Variants in MID1 observed in about 807,000 individuals in gnomAD.
MID1 encodes the protein E3 ubiquitin-protein ligase Midline-1.
A neutral mutation model predicts 40.4 loss-of-function variants in MID1; 7 were observed. That is an observed-to-expected ratio of 0.17 (90% CI 0.10 to 0.33). The LOEUF (loss-of-function observed/expected upper bound fraction) is 0.33, where lower values mean the gene tolerates loss of function less well. Ranked by LOEUF, MID1 falls within the 10% of genes least tolerant of loss-of-function variation. The probability of loss-of-function intolerance (pLI) is 1.00; values close to 1 mark genes in which losing one functional copy is unlikely to be tolerated. For synonymous variants in MID1, 229 were observed against 221.2 expected (o/e 1.04, Z -0.31); for missense variants, 367 against 558.5 (o/e 0.66, Z 3.46).
chrX:10,524,823 T>C (rs1932800157), intron 2 of MID1, among the ~76,000 whole-genome samples: 1 of 111,978 alleles, frequency 8.9e-6, no homozygotes, highest in Admixed American at 9.5e-5. Flanking sequence ...GGGTTTTTTG[T>C]TGCACAACAG....
intron 3 of MID1, among the ~76,000 whole-genome samples, chrX:10,496,109 T>C (rs1931238179): frequency 8.9e-6 from 1 of 112,523 alleles, no homozygotes; most frequent in Non-Finnish European, 1.9e-5. Flanking sequence ...GGAGGACAGA[T>C]TACTATCAAT....
At chrX:10,643,190 T>C (rs1303614344) in intron 1 of MID1, among the ~76,000 whole-genome samples, 1 of 111,144 alleles carries the variant, frequency 9.0e-6, no homozygotes, top group East Asian at 2.8e-4. Flanking sequence ...AAAGAGCTTC[T>C]GCACAGCAAA....
At chrX:10,687,277 G>A (rs183445044) in intron 1 of MID1, among the ~76,000 whole-genome samples, 9 of 111,762 alleles carry the variant, frequency 8.1e-5, no homozygotes, top group Admixed American at 7.6e-4. Context: ...CCAAGGATGA[G>A]TCTTTTGTCT....
intron 1 of MID1, among the ~76,000 whole-genome samples, chrX:10,617,731 TG>T (rs1935862387): frequency 8.9e-6 from 1 of 112,035 alleles, no homozygotes; most frequent in Non-Finnish European, 1.9e-5. Flanking sequence ...GCAAACCTGT[TG>T]TTTTCGGCCA....
rs780072723 is a variant in MID1, at chrX:10,575,124, G to A, written c.-56-7521C>T. 4.4e-5 allele frequency among the ~76,000 whole-genome samples: 5 copies of A among 112,511 alleles called. No homozygotes were observed. In the East Asian group the frequency reaches 8.4e-4, roughly 19 times the overall value. On this transcript the variant is annotated intron_variant, in intron 1 of 9. Transcript: ENST00000317552. ...TTTGAGAGTCCTAAATTTCAGAAACGAAATCAAGTCAATTTACTTGATTGT... is the reference window on the plus strand; with the variant it reads ...TTTGAGAGTCCTAAATTTCAGAAACAAAATCAAGTCAATTTACTTGATTGT...
At chrX:10,824,919 C>T (rs1259095202) in intron 1 of MID1, among the ~76,000 whole-genome samples, 1 of 111,129 alleles carries the variant, frequency 9.0e-6, no homozygotes, top group East Asian at 2.8e-4. Flanking sequence ...TTCATACAAA[C>T]GCTTCTCAAT....
chrX:10,737,819 G>A (rs972760542), intron 1 of MID1, among the ~76,000 whole-genome samples: 6 of 110,709 alleles, frequency 5.4e-5, no homozygotes, highest in Admixed American at 1.9e-4. Flanking sequence ...GGACCAGAGA[G>A]ACAGAAATAA....
At chrX:10,728,150 AATTTT>A (rs1410063592) in intron 1 of MID1, among the ~76,000 whole-genome samples, 1 of 111,623 alleles carries the variant, frequency 9.0e-6, no homozygotes, top group Non-Finnish European at 1.9e-5. Context: ...AGGCTTAAAG[AATTTT>A]AGAGGTGGAT....
chrX:10,602,225 C>CTT (rs56897260), intron 1 of MID1, among the ~76,000 whole-genome samples: 15 of 83,531 alleles, frequency 1.8e-4, no homozygotes, highest in African/African-American at 4.9e-4. Flanking sequence ...TAGTTTCTGA[C>CTT]TTTTTTTTTT....
At chrX:10,652,554 G>A (rs1446521308) in intron 1 of MID1, among the ~76,000 whole-genome samples, 1 of 111,565 alleles carries the variant, frequency 9.0e-6, no homozygotes, top group Non-Finnish European at 1.9e-5. Flanking sequence ...CTATTTCAAA[G>A]CTGTCATTCT....
At chrX:10,670,338 T>C (rs2042979913) in intron 1 of MID1, among the ~76,000 whole-genome samples, 1 of 112,033 alleles carries the variant, frequency 8.9e-6, no homozygotes, top group Non-Finnish European at 1.9e-5. Context: ...ACCTAATGAT[T>C]ACCACAGTGC....
At chrX:10,454,724 A>G in intron 9 of MID1, 146 bp downstream of exon 9, 1 of 530,109 alleles carries the variant, frequency 1.9e-6, no homozygotes, top group Non-Finnish European at 3.3e-6. Context: ...GGTGTTTGTT[A>G]TGCAGTATTA....
At chrX:10,821,661 G>A (rs960267297) in intron 1 of MID1, among the ~76,000 whole-genome samples, 1 of 112,342 alleles carries the variant, frequency 8.9e-6, no homozygotes, top group South Asian at 3.7e-4. Flanking sequence ...CACAATGCCC[G>A]TGTTTGTCTC....
At chrX:10,763,135 G>GT (rs1473531393) in intron 1 of MID1, among the ~76,000 whole-genome samples, 2 of 97,840 alleles carry the variant, frequency 2.0e-5, no homozygotes, top group African/African-American at 9.0e-5. Context: ...TTACATGGCT[G>GT]GTTTTTTTTT....
chrX:10,582,298 C>T (rs1981547), intron 1 of MID1, among the ~76,000 whole-genome samples: 6 of 111,479 alleles, frequency 5.4e-5, no homozygotes, highest in Non-Finnish European at 1.1e-4. Flanking sequence ...TCCCCTGGCG[C>T]GAGATACTAC....
intron 1 of MID1, among the ~76,000 whole-genome samples, chrX:10,800,514 C>T (rs2043998935): frequency 9.0e-6 from 1 of 111,731 alleles, no homozygotes; most frequent in Non-Finnish European, 1.9e-5. Context: ...TTTTAAGCCT[C>T]TAAGTTCTGG....
intron 2 of MID1, among the ~76,000 whole-genome samples, chrX:10,555,777 A>G (rs980424249): frequency 8.1e-5 from 9 of 111,202 alleles, no homozygotes; most frequent in Admixed American, 7.7e-4. Flanking sequence ...AATAAAAACC[A>G]TATTTTCCGG....
intron 1 of MID1, among the ~76,000 whole-genome samples, chrX:10,657,207 AT>A (rs1466270221): frequency 9.0e-6 from 1 of 111,102 alleles, no homozygotes; most frequent in Non-Finnish European, 1.9e-5. Flanking sequence ...CCCCAATAAG[AT>A]TAAGCTTCAG....
At chrX:10,754,602 T>C (rs2043620764) in intron 1 of MID1, among the ~76,000 whole-genome samples, 1 of 111,091 alleles carries the variant, frequency 9.0e-6, no homozygotes, top group Admixed American at 9.6e-5. Flanking sequence ...GAGACTGAGA[T>C]CAATTAAGCC....
Sources: gnomAD v4.1 joint callset for allele counts (sites outside exome capture counted in the v4.1 genomes callset) on GRCh38, gnomAD v4.1.1 for gene constraint, MANE v1.5 for transcripts, NCBI Gene and HGNC (gene_info 2026-07-23, HGNC 2026-07-21) for gene names.